NCOA2: variants seen among roughly 807,000 people sequenced by gnomAD.
NCOA2 encodes the protein nuclear receptor coactivator 2.
A neutral mutation model predicts 145.1 loss-of-function variants in NCOA2; 21 were observed. That is an observed-to-expected ratio of 0.14 (90% confidence interval 0.10 to 0.21). The LOEUF is 0.21. Ranked by LOEUF, NCOA2 falls within the 10% of genes least tolerant of loss-of-function variation. The probability of loss-of-function intolerance (pLI) is 1.00; values close to 1 mark genes in which losing one functional copy is unlikely to be tolerated. For missense variants in NCOA2, 1,472 were observed against 1,837.6 expected, an observed-to-expected ratio of 0.80 and a Z score of 3.64; for synonymous variants, 619 against 637.5, an observed-to-expected ratio of 0.97 and a Z score of 0.44.
At chr8:70,398,447 C>G in intron 1 of NCOA2, among the ~76,000 whole-genome samples, 1 of 151,998 alleles carries the variant, frequency 6.6e-6, no homozygotes, top group Admixed American at 6.6e-5. Flanking sequence ...GATGACAGAG[C>G]GAGACCATAT....
chr8:70,305,776 C>T (rs557733660), intron 1 of NCOA2, among the ~76,000 whole-genome samples: 22 of 152,072 alleles, frequency 1.4e-4, no homozygotes, highest in Non-Finnish European at 2.6e-4. Context: ...ATGTATTATG[C>T]GATTAAGTAT....
chr8:70,290,219 C>T (rs984184307), intron 2 of NCOA2, among the ~76,000 whole-genome samples: 1 of 142,688 alleles, frequency 7.0e-6, no homozygotes. Context: ...TGGAGTCTCG[C>T]TCTGTTGCCC....
intron 2 of NCOA2, among the ~76,000 whole-genome samples, chr8:70,217,610 CTCAG>C (rs1208861678): frequency 2.6e-5 from 4 of 151,748 alleles, no homozygotes; most frequent in African/African-American, 9.7e-5. Flanking sequence ...CTGAATTCCT[CTCAG>C]TAAGAAAATA....
In NCOA2 at chr8:70,156,466, A is replaced by G. The variant is rs1230657999; in HGVS notation, c.1899T>C (p.His633=). 2 of 1,613,780 alleles carry G rather than the reference A, an allele frequency of 1.2e-6. No homozygotes were observed. The highest frequency in any genetic ancestry group is 2.7e-5 in the African/African-American group (2 of 74,894). The change falls in exon 11 of 23, where the codon CAT becomes CAC. Residue 633 remains histidine (H), a synonymous_variant. Coordinates refer to ENST00000452400, the MANE Select transcript of NCOA2 (RefSeq NM_006540.4). ...SERADGQSRL[H]DSKGQTKLLQ... ...GGAGTTTGGTCTGCCCTTTGCTGTC[A>G]TGCAGTCTGCTCTGCCCGTCAGCTC...
intron 2 of NCOA2, among the ~76,000 whole-genome samples, chr8:70,283,245 T>C (rs7825320): frequency 0.045 from 6,927 of 152,316 alleles, 258 homozygotes; most frequent in East Asian, 0.16. Context: ...TTGCCATCGA[T>C]AGGTGCGACT....
chr8:70,277,708 G>A (rs1262039934), intron 2 of NCOA2, among the ~76,000 whole-genome samples: 1 of 151,888 alleles, frequency 6.6e-6, no homozygotes, highest in Non-Finnish European at 1.5e-5. Flanking sequence ...TAATTATCAG[G>A]GTACTCACTG....
intron 1 of NCOA2, among the ~76,000 whole-genome samples, chr8:70,355,239 C>G (rs1676720371): frequency 6.6e-6 from 1 of 152,148 alleles, no homozygotes; most frequent in Non-Finnish European, 1.5e-5. Context: ...CAGTGCTGAC[C>G]TAAGTTAATA....
At chr8:70,360,899 C>T (rs919861224) in intron 1 of NCOA2, among the ~76,000 whole-genome samples, 18 of 148,170 alleles carry the variant, frequency 1.2e-4, no homozygotes, top group Admixed American at 1.4e-4. Flanking sequence ...GATCACACCA[C>T]TGCACTCCAG....
At chr8:70,366,231 G>C (rs1050636182) in intron 1 of NCOA2, among the ~76,000 whole-genome samples, 1 of 152,088 alleles carries the variant, frequency 6.6e-6, no homozygotes, top group Non-Finnish European at 1.5e-5. Context: ...ATTCTAGGGG[G>C]AAAAATAGCA....
rs775319916 is a variant in NCOA2 at position 70,124,025 on chromosome 8, G to A, written c.4152C>T (p.Tyr1384=). The change falls in exon 21 of 23, where the codon TAC becomes TAT. Residue 1384 remains tyrosine, a synonymous_variant. Transcript: ENST00000452400. The part of the protein sequence containing the change: ...HFGQQANTSM[Y]SNNMNINVSM... ...ACACATTGATGTTCATGTTGTTACT[G>A]TACATGCTGGTGTTTGCTTGCTGCC... is the stretch of plus-strand genomic sequence containing the variant. 5 of 1,613,988 alleles carry A rather than the reference G, an allele frequency of 3.1e-6. No individual in the cohort carries two copies. The highest frequency in any genetic ancestry group is 3.4e-6 in the Non-Finnish European group (4 of 1,179,868).
intron 13 of NCOA2, among the ~76,000 whole-genome samples, chr8:70,142,239 T>C (rs1810521800): frequency 6.6e-6 from 1 of 152,248 alleles, no homozygotes; most frequent in African/African-American, 2.4e-5. Context: ...GATGGATACA[T>C]GAAGGTTCTG....
chr8:70,276,974 T>A (rs1825515483), intron 2 of NCOA2, among the ~76,000 whole-genome samples: 1 of 152,224 alleles, frequency 6.6e-6, no homozygotes, highest in Non-Finnish European at 1.5e-5. Context: ...CATAATAAAG[T>A]GTAAGTATAC....
At chr8:70,140,593 G>GTTTTTTTT (rs71558582) in intron 14 of NCOA2, among the ~76,000 whole-genome samples, 5 of 79,790 alleles carry the variant, frequency 6.3e-5, no homozygotes, top group Non-Finnish European at 6.8e-5. Flanking sequence ...TACCACCTAA[G>GTTTTTTTT]TTTTTTTTTT....
intron 18 of NCOA2, 22 bp downstream of exon 18, chr8:70,128,411 A>G (rs765001567): frequency 6.3e-7 from 1 of 1,598,586 alleles, no homozygotes; most frequent in Non-Finnish European, 8.5e-7. Flanking sequence ...AATGAAAGCT[A>G]ATGGCTGGTA....
chr8:70,435,382 G>A, the NCOA2 span, among the ~76,000 whole-genome samples: 2 of 120,358 alleles, frequency 1.7e-5, no homozygotes, highest in East Asian at 2.8e-4. Flanking sequence ...CCGGGATAGC[G>A]CCACTGCAGT....
intron 2 of NCOA2, among the ~76,000 whole-genome samples, chr8:70,283,289 AT>A (rs1026647797): frequency 2.0e-5 from 3 of 152,136 alleles, no homozygotes; most frequent in African/African-American, 7.2e-5. Context: ...AAATTGTATC[AT>A]TTTTTTCCTT....
At chr8:70,402,539 G>A (rs918854802) in intron 1 of NCOA2, 1 of 152,428 alleles carries the variant, frequency 6.6e-6, no homozygotes, top group Middle Eastern at 3.4e-3. Context: ...ACTCCCCCGA[G>A]GGGAGGAGGC....
intron 2 of NCOA2, among the ~76,000 whole-genome samples, chr8:70,218,482 G>A (rs764386319): frequency 1.5e-4 from 23 of 152,160 alleles, no homozygotes; most frequent in Non-Finnish European, 2.2e-4. Context: ...AGAAGTGAAG[G>A]GCCAGTATTC....
At chr8:70,421,760 TA>T in the NCOA2 span, among the ~76,000 whole-genome samples, 891 of 140,274 alleles carry the variant, frequency 6.4e-3, 5 homozygotes, top group African/African-American at 0.015. Context: ...GGGCTTTTGG[TA>T]AAAAAAAAAA....
Sources: gnomAD v4.1 joint callset for allele counts (sites outside exome capture counted in the v4.1 genomes callset) on GRCh38, gnomAD v4.1.1 for gene constraint, MANE v1.5 for transcripts, NCBI Gene and HGNC (gene_info 2026-07-23, HGNC 2026-07-21) for gene names.